COMMD1: variants seen among roughly 807,000 people sequenced by gnomAD.
The protein encoded by COMMD1 is COMM domain-containing protein 1.
COMMD1 carries 10 observed loss-of-function variants against 17.2 expected under a neutral mutation model. The ratio of observed to expected loss-of-function variants is 0.58; its 90% CI spans 0.36 to 0.99. The LOEUF (loss-of-function observed/expected upper bound fraction) is 0.99, where lower values mean the gene tolerates loss of function less well. Ranked by LOEUF, COMMD1 falls within the 50% of genes least tolerant of loss-of-function variation. COMMD1 has a pLI of 0.01. For synonymous variants in COMMD1, 97 were observed against 91.6 expected, an observed-to-expected ratio of 1.06 and a Z score of -0.34; for missense variants, 270 against 231.8, an observed-to-expected ratio of 1.17 and a Z score of -1.07.
intron 2 of COMMD1, among the ~76,000 whole-genome samples, chr2:62,134,351 C>A (rs1022334451): frequency 6.6e-6 from 1 of 152,058 alleles, no homozygotes; most frequent in African/African-American, 2.4e-5. Flanking sequence ...ATGCCTGGGG[C>A]TTAATTTAAT....
At chr2:61,971,316 T>A (rs920092202) in intron 1 of COMMD1, among the ~76,000 whole-genome samples, 2 of 152,180 alleles carry the variant, frequency 1.3e-5, no homozygotes, top group African/African-American at 2.4e-5. Flanking sequence ...ACGGTTGGGT[T>A]GTACAATCTA....
At chr2:61,910,135 A>C (rs1669866717) in intron 1 of COMMD1, among the ~76,000 whole-genome samples, 1 of 152,192 alleles carries the variant, frequency 6.6e-6, no homozygotes, top group African/African-American at 2.4e-5. Context: ...GTAGACCCTA[A>C]GGAACAATGA....
chr2:61,890,369 A>G (rs1209925691), intron 1 of COMMD1, among the ~76,000 whole-genome samples: 1 of 152,006 alleles, frequency 6.6e-6, no homozygotes, highest in East Asian at 1.9e-4. Flanking sequence ...ACGGGCATGC[A>G]CCACCATGCC....
At chr2:61,927,896 C>T (rs1274928729) in intron 1 of COMMD1, among the ~76,000 whole-genome samples, 1 of 152,062 alleles carries the variant, frequency 6.6e-6, no homozygotes, top group African/African-American at 2.4e-5. Flanking sequence ...TCTCGAGTAG[C>T]TGGGATTACA....
chr2:62,063,323 A>G (rs1031123774), intron 2 of COMMD1, among the ~76,000 whole-genome samples: 14 of 152,086 alleles, frequency 9.2e-5, no homozygotes, highest in African/African-American at 3.1e-4. Flanking sequence ...ACTTGAGTCC[A>G]GGAAGTTGAG....
intron 1 of COMMD1, among the ~76,000 whole-genome samples, chr2:61,995,307 T>C (rs1394070515): frequency 1.3e-5 from 2 of 152,178 alleles, no homozygotes; most frequent in African/African-American, 4.8e-5. Flanking sequence ...TAGCCTTTAG[T>C]GGCCCCTCAT....
chr2:62,019,435 A>G (rs1437658299), intron 2 of COMMD1, among the ~76,000 whole-genome samples: 1 of 152,078 alleles, frequency 6.6e-6, no homozygotes, highest in East Asian at 1.9e-4. Context: ...TTGGCCTCCC[A>G]AAGTGCTGGG....
At chr2:62,040,594 G>C (rs1328703935) in intron 2 of COMMD1, among the ~76,000 whole-genome samples, 1 of 152,088 alleles carries the variant, frequency 6.6e-6, no homozygotes, top group African/African-American at 2.4e-5. Context: ...TGGAGTTCTT[G>C]GAATTATATA....
At chr2:61,957,315 T>G (rs546321558) in intron 1 of COMMD1, among the ~76,000 whole-genome samples, 4 of 152,250 alleles carry the variant, frequency 2.6e-5, no homozygotes, top group Non-Finnish European at 5.9e-5. Context: ...TTTTCTAAAA[T>G]GCCTAGATGA....
intron 2 of COMMD1, among the ~76,000 whole-genome samples, chr2:62,002,628 GACC>G (rs1223710679): frequency 6.7e-6 from 1 of 148,478 alleles, no homozygotes; most frequent in Non-Finnish European, 1.5e-5. Flanking sequence ...AGGAGTTCAA[GACC>G]AACCTGGCCA....
chr2:61,942,369 G>A (rs555127482), intron 1 of COMMD1, among the ~76,000 whole-genome samples: 1 of 151,878 alleles, frequency 6.6e-6, no homozygotes, highest in Admixed American at 6.6e-5. Flanking sequence ...CTCCCAAAGT[G>A]CTGGGATTAT....
chr2:62,085,931 T>C (rs923630449), intron 2 of COMMD1, among the ~76,000 whole-genome samples: 2 of 151,946 alleles, frequency 1.3e-5, no homozygotes, highest in Non-Finnish European at 2.9e-5. Flanking sequence ...TGAGCCCAGA[T>C]CGTGCCACTG....
intron 2 of COMMD1, among the ~76,000 whole-genome samples, chr2:62,088,168 C>A (rs1671722144): frequency 6.6e-6 from 1 of 152,146 alleles, no homozygotes; most frequent in Non-Finnish European, 1.5e-5. Flanking sequence ...TGATGTCTTC[C>A]TCAGTACTTC....
chr2:62,038,192 G>T (rs1670090004), intron 2 of COMMD1, among the ~76,000 whole-genome samples: 1 of 152,152 alleles, frequency 6.6e-6, no homozygotes, highest in Admixed American at 6.5e-5. Context: ...GGAGGCTAAG[G>T]CAGGAGAATT....
At chr2:61,963,057 G>T (rs1671402208) in intron 1 of COMMD1, among the ~76,000 whole-genome samples, 1 of 151,640 alleles carries the variant, frequency 6.6e-6, no homozygotes. Flanking sequence ...CTACTCGGGA[G>T]GCTGAGGCAG....
chr2:61,926,566 A>G (rs1670333985), intron 1 of COMMD1, among the ~76,000 whole-genome samples: 1 of 152,214 alleles, frequency 6.6e-6, no homozygotes, highest in African/African-American at 2.4e-5. Context: ...TTGCCAAATC[A>G]ATAGCTATAA....
chr2:61,971,053 C>T (rs1056385807), intron 1 of COMMD1, among the ~76,000 whole-genome samples: 34 of 152,180 alleles, frequency 2.2e-4, no homozygotes, highest in African/African-American at 8.2e-4. Context: ...GGACTACAAG[C>T]ATGTGCCGCC....
At chr2:62,031,610 T>A (rs1669909364) in intron 2 of COMMD1, among the ~76,000 whole-genome samples, 1 of 152,366 alleles carries the variant, frequency 6.6e-6, no homozygotes, top group Middle Eastern at 3.4e-3. Context: ...TCTGTCATCT[T>A]ACATTGGGCT....
chr2:61,939,648 A>G (rs1670690065), intron 1 of COMMD1, among the ~76,000 whole-genome samples: 1 of 152,230 alleles, frequency 6.6e-6, no homozygotes, highest in Non-Finnish European at 1.5e-5. Context: ...ATATTGTCAT[A>G]AAATCACAAT....
Sources: allele counts gnomAD v4.1 joint callset (sites outside exome capture counted in the v4.1 genomes callset), GRCh38; gene constraint gnomAD v4.1.1; transcripts MANE v1.5; gene names NCBI Gene and HGNC (gene_info 2026-07-23, HGNC 2026-07-21).